Variants in TECPR2 observed in about 807,000 individuals in gnomAD.
TECPR2 encodes the protein tectonin beta-propeller repeat containing 2.
A neutral mutation model predicts 138.1 loss-of-function variants in TECPR2; 65 were observed. The observed-to-expected ratio is 0.47, with a 90% CI of 0.39 to 0.58. The LOEUF is 0.58. TECPR2 is among the 20% of genes least tolerant of loss of function. The pLI is 0.00. For missense variants in TECPR2, 1,553 were observed against 1,824.5 expected (o/e 0.85, Z 2.71); for synonymous variants, 746 against 749.8 (o/e 0.99, Z 0.08).
At position 102,434,742 on chromosome 14, in the gene TECPR2, T is replaced by A. The variant is rs746442659; in HGVS notation, c.1925T>A (p.Val642Asp). Residue 642 changes from valine to aspartate, a missense_variant, in exon 9 of 20, where the codon GTC becomes GAC. Physicochemically the swap from Val to Asp is radical, Grantham distance 152 (BLOSUM62 -3). Transcript: ENST00000359520. ...PIGPQSTFCEVPLLNSLTVPS... is the reference protein window; with the variant it reads ...PIGPQSTFCEDPLLNSLTVPS... ...GGCCCCCAAAGCACTTTTTGTGAAG[T>A]CCCCCTCCTGAACTCACTCACTGTG... The A allele has an allele frequency of 3.8e-5, 61 of 1,613,532 alleles. No individual in the cohort carries two copies. The South Asian group carries it at 6.3e-4, about 17-fold the overall frequency.
chr14:102,413,322 A>G (rs1888932429), intron 4 of TECPR2, among the ~76,000 whole-genome samples: 1 of 151,054 alleles, frequency 6.6e-6, no homozygotes, highest in African/African-American at 2.4e-5. Flanking sequence ...AACTTTTCAT[A>G]TATATATTGG....
intron 1 of TECPR2, among the ~76,000 whole-genome samples, chr14:102,367,929 G>T (rs181162303): frequency 7.0e-6 from 1 of 143,164 alleles, no homozygotes; most frequent in Admixed American, 7.1e-5. Flanking sequence ...GTATCTCCTT[G>T]TGGTTTCGAT....
chr14:102,388,470 G>T (rs935818761), intron 2 of TECPR2, among the ~76,000 whole-genome samples: 2 of 152,216 alleles, frequency 1.3e-5, no homozygotes, highest in Non-Finnish European at 2.9e-5. Flanking sequence ...AAGGTGGGCG[G>T]ATCACTTAAG....
rs1889882507 is a variant in TECPR2 at position 102,443,267 on chromosome 14, T to C, written c.2753-380T>C. On this transcript the variant is annotated intron_variant, in intron 11 of 19. Transcript: ENST00000359520. The surrounding 1 kb of genome is among the most constrained non-coding windows in gnomAD (Gnocchi z 4.9). ...CATTGGGACACCAGATAATTCTGAA[T>C]TGTTCAGTTTTCAAAGAGTGTCTAA... is the stretch of plus-strand genomic sequence containing the variant. Among the ~76,000 whole-genome samples the C allele has an allele frequency of 6.6e-6, 1 of 152,252 alleles. No individual in the cohort carries two copies. The highest frequency in any genetic ancestry group is 6.5e-5 in the Admixed American group (1 of 15,284).
At chr14:102,470,682 C>G (rs1221140962) in intron 17 of TECPR2, among the ~76,000 whole-genome samples, 1 of 150,414 alleles carries the variant, frequency 6.6e-6, no homozygotes, top group African/African-American at 2.4e-5. Flanking sequence ...TCTTGTTGCC[C>G]AGACTGGAGG....
chr14:102,431,632 G>A (rs114834043), intron 7 of TECPR2, among the ~76,000 whole-genome samples, 164 bp from the exon 8 acceptor site: 2,506 of 152,270 alleles, frequency 0.016, 28 homozygotes, highest in Middle Eastern at 0.031. Flanking sequence ...GTGAGTCACC[G>A]TGCCCATCCT....
rs921736991 is a variant in TECPR2, at chr14:102,500,083, T to G, written c.*1826T>G. 1.3e-5 allele frequency: 2 copies of G among 152,702 alleles called. No homozygotes were observed. The highest frequency in any genetic ancestry group is 6.5e-5 in the Admixed American group (1 of 15,284). The allele number at this position is 152,702 out of a possible 1,614,324, so 9.5% of individuals were successfully genotyped here. ...TTAAACCCGCGTCTAGGTGATGCTTTTAAAGTTGTAGCTTCGTGCTTTGTA... is the reference window on the plus strand; with the variant it reads ...TTAAACCCGCGTCTAGGTGATGCTTGTAAAGTTGTAGCTTCGTGCTTTGTA... On this transcript the variant is annotated 3_prime_UTR_variant, in exon 20 of 20. Transcript: ENST00000359520.
intron 2 of TECPR2, among the ~76,000 whole-genome samples, chr14:102,382,612 G>C (rs1045888657): frequency 6.6e-6 from 1 of 152,184 alleles, no homozygotes; most frequent in Non-Finnish European, 1.5e-5. Context: ...TTCTTTGCAA[G>C]TGCACATGGA....
At chr14:102,438,956 G>C (rs1169649958) in intron 10 of TECPR2, among the ~76,000 whole-genome samples, 1 of 151,292 alleles carries the variant, frequency 6.6e-6, no homozygotes, top group Non-Finnish European at 1.5e-5. Flanking sequence ...CCACCTCCCA[G>C]GTTCGCACTA....
At chr14:102,426,443 T>C (rs1382125833) in intron 6 of TECPR2, among the ~76,000 whole-genome samples, 6 of 152,164 alleles carry the variant, frequency 3.9e-5, no homozygotes, top group Non-Finnish European at 2.9e-5. Context: ...TCCCGACTCC[T>C]CACCCCCAGA....
In TECPR2 at chr14:102,499,323, G is replaced by A; in HGVS notation, c.*1066G>A. ...GACGAGTCTACTAATTATTGCCTTT[G>A]TTGTTGTATTACAAATCTGCATAAA... On this transcript the variant is annotated 3_prime_UTR_variant, in exon 20 of 20. Coordinates refer to ENST00000359520, the MANE Select transcript of TECPR2 (RefSeq NM_014844.5). The A allele has an allele frequency of 1.6e-6, 1 of 606,586 alleles. No homozygotes were observed. Among genetic ancestry groups the A allele is most frequent in the South Asian group, 1.9e-5 (1 of 52,044 alleles). 37.6% of individuals were successfully genotyped at this position (606,586 alleles called of 1,614,324 possible).
intron 1 of TECPR2, among the ~76,000 whole-genome samples, chr14:102,363,668 T>A (rs146761941): frequency 9.6e-4 from 146 of 152,318 alleles, no homozygotes; most frequent in African/African-American, 3.4e-3. Flanking sequence ...AAGGATGGGG[T>A]GTCCTGGAGT....
intron 17 of TECPR2, among the ~76,000 whole-genome samples, chr14:102,495,906 T>G (rs893397403): frequency 6.6e-6 from 1 of 151,956 alleles, no homozygotes; most frequent in Non-Finnish European, 1.5e-5. Context: ...GAGGTGCAGG[T>G]GGAGGGAGGT....
At position 102,390,803 on chromosome 14, in the gene TECPR2, A is replaced by AATAT. The variant is rs10570260; in HGVS notation, c.219+13881_219+13884dup. The stretch of plus-strand genomic sequence containing the variant: ...TGCTGCCCACGTATATCAGGGGAAG[A>AATAT]ATATATATATATATATATATAGTAC... On this transcript the variant is annotated intron_variant, in intron 2 of 19. Coordinates refer to ENST00000359520, the MANE Select transcript of TECPR2 (RefSeq NM_014844.5). Among the ~76,000 whole-genome samples the AATAT allele has an allele frequency of 8.2e-3, 1,225 of 148,798 alleles. 27 individuals carry two copies. The highest frequency in any genetic ancestry group is 0.028 in the African/African-American group (1,123 of 40,620).
chr14:102,378,681 A>G (rs866344541), intron 2 of TECPR2, among the ~76,000 whole-genome samples: 1 of 152,086 alleles, frequency 6.6e-6, no homozygotes, highest in African/African-American at 2.4e-5. Context: ...CTGGAGTGCA[A>G]TGACATGATC....
At chr14:102,471,342 GTT>G (rs1222529247) in intron 17 of TECPR2, among the ~76,000 whole-genome samples, 1 of 152,090 alleles carries the variant, frequency 6.6e-6, no homozygotes, top group East Asian at 1.9e-4. Context: ...GCATCCAATT[GTT>G]CACAGTATTC....
chr14:102,414,421 G>A (rs1332817652), intron 4 of TECPR2, among the ~76,000 whole-genome samples: 2 of 152,252 alleles, frequency 1.3e-5, no homozygotes, highest in African/African-American at 4.8e-5. Context: ...ACTGGATGCA[G>A]CATGAGGGAG....
chr14:102,499,551 G>A lies in TECPR2; in HGVS notation c.*1294G>A. On this transcript the variant is annotated 3_prime_UTR_variant, in exon 20 of 20. Coordinates refer to ENST00000359520, the MANE Select transcript of TECPR2 (RefSeq NM_014844.5). ...GGGCTGGCTCCGAGTGGCAGCCCAT[G>A]CCTTCTGCGGGGTATGGGTTGACAC... 1 of 387,598 alleles carries A rather than the reference G, an allele frequency of 2.6e-6. No homozygotes were observed. The highest frequency in any genetic ancestry group is 4.8e-6 in the Non-Finnish European group (1 of 207,646). 24.0% of individuals were successfully genotyped at this position (387,598 alleles called of 1,614,324 possible). A position where few individuals can be genotyped will look rare whatever the true frequency, so the allele number is the denominator to read the frequency against.
chr14:102,489,703 C>CAAAA, intron 17 of TECPR2, among the ~76,000 whole-genome samples: 1 of 134,040 alleles, frequency 7.5e-6, no homozygotes. Flanking sequence ...AAAACTGTGT[C>CAAAA]AAAAAAAAAA....
Sources: gnomAD v4.1 joint callset for allele counts (sites outside exome capture counted in the v4.1 genomes callset) on GRCh38, gnomAD v4.1.1 for gene constraint, Gnocchi (gnomAD v3.1) non-coding constraint, MANE v1.5 for transcripts, NCBI Gene and HGNC (gene_info 2026-07-23, HGNC 2026-07-21) for gene names.